Variants in COTL1 observed in about 807,000 individuals in gnomAD.
The protein encoded by COTL1 is coactosin like F-actin binding protein 1, also known as coactosin-like protein.
In COTL1, 15 loss-of-function variants were observed where a neutral mutation model predicts 16.5. That is an observed-to-expected ratio of 0.91 (90% CI 0.61 to 1.40). COTL1 has a LOEUF of 1.40. Among genes scored for constraint, COTL1 ranks in the 40% most tolerant of loss-of-function variants. COTL1 has a pLI of 0.00. For missense variants in COTL1, 220 were observed against 201.5 expected (o/e 1.09, Z -0.56); for synonymous variants, 112 against 85.3 (o/e 1.31, Z -1.73).
intron 2 of COTL1, among the ~76,000 whole-genome samples, chr16:84,591,766 T>A (rs113297653): frequency 1.3e-5 from 2 of 149,702 alleles, no homozygotes; most frequent in Admixed American, 6.7e-5. Context: ...GAGACTGCAG[T>A]TGAGTAGAGA....
intron 2 of COTL1, among the ~76,000 whole-genome samples, chr16:84,610,601 G>A (rs1269054392): frequency 6.6e-6 from 1 of 152,210 alleles, no homozygotes; most frequent in Non-Finnish European, 1.5e-5. Flanking sequence ...CAATCGGTTA[G>A]CAGAAGAGTG....
In COTL1 at chr16:84,602,222, T is replaced by C. The variant is rs557219604; in HGVS notation, c.161-11960A>G. ...TTCAATGGGGGTGGGGGGGGTGCCA[T>C]TTTATAAGAGTAAAACCAAGCAGAT... is the stretch of plus-strand genomic sequence containing the variant. On this transcript the variant is annotated intron_variant, in intron 2 of 3. Coordinates refer to ENST00000262428, the MANE Select transcript of COTL1 (RefSeq NM_021149.5). Among the ~76,000 whole-genome samples the C allele has an allele frequency of 2.7e-4, 41 of 151,738 alleles. 1 individual carries two copies. The South Asian group carries it at 7.7e-3, about 29-fold the overall frequency.
rs774727198 is a variant in COTL1, at chr16:84,566,801, C to T, written c.*44G>A. ...GCCGGCGGTCCTCTCCCCCGGGGAG[C>T]AGGCAGATGACTTTGGCAAGGGGTG... On this transcript the variant is annotated 3_prime_UTR_variant, in exon 4 of 4. Coordinates refer to ENST00000262428, the MANE Select transcript of COTL1 (RefSeq NM_021149.5). 2 of 1,362,152 alleles carry T rather than the reference C, an allele frequency of 1.5e-6. No individual in the cohort carries two copies. Among genetic ancestry groups the T allele is most frequent in the South Asian group, 1.2e-5 (1 of 85,144 alleles). The allele number at this position is 1,362,152 out of a possible 1,614,324, so 84.4% of individuals were successfully genotyped here.
chr16:84,602,468 AC>A (rs34168969), intron 2 of COTL1, among the ~76,000 whole-genome samples: 1 of 151,908 alleles, frequency 6.6e-6, no homozygotes, highest in African/African-American at 2.4e-5. Flanking sequence ...TGTGACTTCC[AC>A]CCCCAGAGAG....
rs147862827 is a variant in COTL1, at chr16:84,582,287, G to A, written c.318+7818C>T. 7.6e-3 allele frequency among the ~76,000 whole-genome samples: 1,160 copies of A among 152,152 alleles called. 19 individuals are homozygous for A. The highest frequency in any genetic ancestry group is 0.026 in the African/African-American group (1,092 of 41,484). ...TGGGATTACAGGCATGAGCCACTGCGCCCAGCCCATTTCTTAATTTTTAAA... is the reference window on the plus strand; with the variant it reads ...TGGGATTACAGGCATGAGCCACTGCACCCAGCCCATTTCTTAATTTTTAAA... On this transcript the variant is annotated intron_variant, in intron 3 of 3. Transcript: ENST00000262428.
At chr16:84,614,801 C>T (rs998029987) in intron 2 of COTL1, among the ~76,000 whole-genome samples, 7 of 152,092 alleles carry the variant, frequency 4.6e-5, no homozygotes, top group African/African-American at 1.7e-4. Flanking sequence ...CACAAGTGGG[C>T]AACCATGTCA....
At chr16:84,596,617 C>G (rs1054369249) in intron 2 of COTL1, 1 of 152,310 alleles carries the variant, frequency 6.6e-6, no homozygotes, top group South Asian at 2.1e-4. Context: ...CCTCCTTGAA[C>G]CTCTCCCTTC....
intron 3 of COTL1, among the ~76,000 whole-genome samples, chr16:84,582,390 T>G (rs1904619907): frequency 6.6e-6 from 1 of 152,130 alleles, no homozygotes; most frequent in African/African-American, 2.4e-5. Flanking sequence ...GCAATCCACC[T>G]GCTCCAGCCT....
chr16:84,617,833 C>T lies in COTL1; in HGVS notation c.77+5G>A. ...GGGGCGTGGAGACGAATGAAAAGTT[C>T]CTACCAGATGACGGCCGAGCCGTCG... On this transcript the variant is annotated splice_donor_5th_base_variant and intron_variant, in intron 1 of 3. Coordinates refer to ENST00000262428, the MANE Select transcript of COTL1 (RefSeq NM_021149.5). 6.4e-7 allele frequency: 1 copy of T among 1,571,318 alleles called. No individual in the cohort carries two copies. The highest frequency in any genetic ancestry group is 1.2e-5 in the South Asian group (1 of 85,924).
intron 2 of COTL1, among the ~76,000 whole-genome samples, chr16:84,609,579 C>T (rs1384713583): frequency 1.3e-5 from 2 of 152,200 alleles, no homozygotes; most frequent in Non-Finnish European, 1.5e-5. Flanking sequence ...ACCTTAAGGG[C>T]CTCTTCCTCT....
At chr16:84,617,180 G>A (rs544369502) in intron 2 of COTL1, among the ~76,000 whole-genome samples, 4,128 of 101,188 alleles carry the variant, frequency 0.041, 178 homozygotes, top group African/African-American at 0.24. Context: ...AGTGGGAAGA[G>A]CTGGATGGAC....
At position 84,617,904 on chromosome 16, in the gene COTL1, T is replaced by C; in HGVS notation, c.11A>G (p.Lys4Arg). Residue 4 changes from lysine (K) to arginine (R), a missense_variant, in exon 1 of 4, where the codon AAG becomes AGG. Lys to Arg is a conservative substitution (Grantham distance 26). Transcript: ENST00000262428. Reference sequence around the variant, plus strand: ...CGCCCGGCAAGCCTCTTTGTCGATCTTGGTGGCCATCGCCGCGGAGCCGCA... The same window carrying C: ...CGCCCGGCAAGCCTCTTTGTCGATCCTGGTGGCCATCGCCGCGGAGCCGCA... Reference protein sequence around the residue: MATKIDKEACRAAY... With the variant: MATRIDKEACRAAY... 6.4e-7 allele frequency: 1 copy of C among 1,558,888 alleles called. No individual in the cohort carries two copies. Among genetic ancestry groups the C allele is most frequent in the Non-Finnish European group, 8.7e-7 (1 of 1,152,556 alleles).
intron 2 of COTL1, among the ~76,000 whole-genome samples, chr16:84,598,853 C>T (rs1445974550): frequency 9.3e-6 from 1 of 107,312 alleles, no homozygotes; most frequent in African/African-American, 3.6e-5. Context: ...GGGGTCCAAG[C>T]GGGGTCGGGG....
At chr16:84,574,520 C>T (rs1567531139) in intron 3 of COTL1, among the ~76,000 whole-genome samples, 1 of 152,256 alleles carries the variant, frequency 6.6e-6, no homozygotes. Flanking sequence ...CGAAGTCTCA[C>T]TCCAAGCGGC....
chr16:84,589,501 T>G (rs374846048), intron 3 of COTL1, among the ~76,000 whole-genome samples: 6 of 152,034 alleles, frequency 3.9e-5, no homozygotes, highest in Admixed American at 2.0e-4. Context: ...AGAAATCCTT[T>G]TGCGAAATGG....
At chr16:84,592,265 T>TTTATA (rs1198206019) in intron 2 of COTL1, among the ~76,000 whole-genome samples, 1 of 152,196 alleles carries the variant, frequency 6.6e-6, no homozygotes, top group African/African-American at 2.4e-5. Flanking sequence ...TCACAAACAG[T>TTTATA]TCATATTTTA....
intron 3 of COTL1, among the ~76,000 whole-genome samples, chr16:84,579,041 A>G (rs1323591063): frequency 6.6e-6 from 1 of 151,916 alleles, no homozygotes; most frequent in African/African-American, 2.4e-5. Context: ...ACAGTAGTGC[A>G]CACACATACA....
intron 2 of COTL1, among the ~76,000 whole-genome samples, chr16:84,602,555 T>C (rs943159112): frequency 2.0e-5 from 3 of 151,366 alleles, no homozygotes; most frequent in African/African-American, 7.3e-5. Context: ...AAATTTGTGG[T>C]TTAATAAAAG....
intron 2 of COTL1, chr16:84,595,917 T>A (rs1254409422): frequency 6.6e-6 from 1 of 152,142 alleles, no homozygotes; most frequent in Non-Finnish European, 1.5e-5. Flanking sequence ...TATGTGTGTG[T>A]TATATATATA....
Sources: allele counts gnomAD v4.1 joint callset (sites outside exome capture counted in the v4.1 genomes callset), GRCh38; gene constraint gnomAD v4.1.1; transcripts MANE v1.5; gene names NCBI Gene and HGNC (gene_info 2026-07-23, HGNC 2026-07-21).